Variants in GSN observed in about 807,000 individuals in gnomAD.
GSN encodes gelsolin.
A neutral mutation model predicts 85.7 loss-of-function variants in GSN; 56 were observed. The ratio of observed to expected loss-of-function variants is 0.65; its 90% CI spans 0.53 to 0.82. GSN has a LOEUF of 0.82. Ranked by LOEUF, GSN falls within the 40% of genes least tolerant of loss-of-function variation. GSN has a pLI of 0.00. For synonymous variants in GSN, 373 were observed against 399.1 expected (o/e 0.93, Z 0.78); for missense variants, 857 against 979.8 (o/e 0.87, Z 1.67).
Position 121,332,339 on chromosome 9 carries a change from C to T in GSN, c.2027-95C>T. The T allele has an allele frequency of 1.8e-6, 2 of 1,135,674 alleles. No homozygotes were observed. The highest frequency in any genetic ancestry group is 3.4e-5 in the Admixed American group (2 of 59,386). The allele number at this position is 1,135,674 out of a possible 1,614,324, so 70.3% of individuals were successfully genotyped here. The stretch of plus-strand genomic sequence containing the variant: ...TAGGGACAGTAGGACCATAGACCCT[C>T]TTCTTTGTCAACTCCTGTCCTGAGT... On this transcript the variant is annotated intron_variant, in intron 17 of 17. Transcript: ENST00000432226. This position sits in a 1 kb window ranked among gnomAD's most constrained non-coding sequence, Gnocchi z 4.8.
chr9:121,296,658 C>T (rs906029642), intron 2 of GSN, among the ~76,000 whole-genome samples: 3 of 152,188 alleles, frequency 2.0e-5, no homozygotes, highest in African/African-American at 7.2e-5. Flanking sequence ...CCCTAGCACT[C>T]GGGCCTCTTC....
At chr9:121,212,704 T>A (rs944122158) in intron 4 of GSN, among the ~76,000 whole-genome samples, 1 of 151,326 alleles carries the variant, frequency 6.6e-6, no homozygotes, top group Non-Finnish European at 1.5e-5. Flanking sequence ...AGTGCAGTGG[T>A]GTGATCTCTA....
chr9:121,220,909 A>G (rs1444904495), intron 4 of GSN, among the ~76,000 whole-genome samples: 1 of 152,244 alleles, frequency 6.6e-6, no homozygotes, highest in Non-Finnish European at 1.5e-5. Flanking sequence ...TAAAAATATC[A>G]ATTGTTAAAA....
chr9:121,301,890 G>T, intron 2 of GSN, 73 bp from the exon 3 acceptor site: 1 of 1,609,332 alleles, frequency 6.2e-7, no homozygotes, highest in Non-Finnish European at 8.5e-7. Flanking sequence ...GCTAGAAACC[G>T]CCCTCCCTCA....
At chr9:121,224,189 C>T (rs2054227855) in intron 4 of GSN, among the ~76,000 whole-genome samples, 1 of 151,118 alleles carries the variant, frequency 6.6e-6, no homozygotes, top group Admixed American at 6.6e-5. Flanking sequence ...CTCCGCCTCC[C>T]ATGTTCACGC....
At chr9:121,271,750 C>T (rs1044013354) in intron 1 of GSN, among the ~76,000 whole-genome samples, 4 of 152,222 alleles carry the variant, frequency 2.6e-5, no homozygotes, top group African/African-American at 9.7e-5. Flanking sequence ...TTTGTAAACT[C>T]ATGCTTTCCT....
chr9:121,248,808 T>TGGGTG (rs34921909), intron 6 of GSN, among the ~76,000 whole-genome samples: 1 of 151,800 alleles, frequency 6.6e-6, no homozygotes, highest in South Asian at 2.1e-4. Context: ...GGAGAAGCCC[T>TGGGTG]GGTGTCTGGG....
intron 2 of GSN, among the ~76,000 whole-genome samples, chr9:121,289,833 C>T (rs1417859646): frequency 6.6e-6 from 1 of 152,084 alleles, no homozygotes; most frequent in African/African-American, 2.4e-5. Flanking sequence ...GGCTTGTGGG[C>T]CCCATATCAC....
At chr9:121,260,832 G>T (rs1488877554) in intron 6 of GSN, among the ~76,000 whole-genome samples, 2 of 152,116 alleles carry the variant, frequency 1.3e-5, no homozygotes, top group African/African-American at 4.8e-5. Context: ...CCAGGAAAAA[G>T]AAACAGAAGT....
At chr9:121,254,598 C>G (rs1472645820) in intron 6 of GSN, among the ~76,000 whole-genome samples, 1 of 152,142 alleles carries the variant, frequency 6.6e-6, no homozygotes, top group Non-Finnish European at 1.5e-5. Flanking sequence ...TTTGCACAAC[C>G]AAAAGACCTT....
At position 121,284,462 on chromosome 9, in the gene GSN, C is replaced by T. The variant is rs2057809052; in HGVS notation, c.-10+2900C>T. ...ACACCACCGGGCCCTCTGAGATCCA[C>T]TCTAATCCAAGACGGAGACAGTGGA... is the stretch of plus-strand genomic sequence containing the variant. On this transcript the variant is annotated intron_variant, in intron 2 of 17. Transcript: ENST00000432226. The T allele has an allele frequency of 1.8e-5, 3 of 167,246 alleles. No individual in the cohort carries two copies. The South Asian group carries it at 6.2e-4, about 35-fold the overall frequency. 10.4% of individuals were successfully genotyped at this position (167,246 alleles called of 1,614,324 possible). A position where few individuals can be genotyped will look rare whatever the true frequency, so the allele number is the denominator to read the frequency against.
chr9:121,301,534 G>A (rs2059839253), intron 2 of GSN, among the ~76,000 whole-genome samples: 1 of 150,572 alleles, frequency 6.6e-6, no homozygotes, highest in African/African-American at 2.4e-5. Flanking sequence ...GCTGAGGCAG[G>A]AGAATCGCTT....
intron 4 of GSN, among the ~76,000 whole-genome samples, chr9:121,215,560 G>A (rs953720387): frequency 2.6e-5 from 4 of 151,914 alleles, no homozygotes; most frequent in South Asian, 2.1e-4. Flanking sequence ...CAGGTGTGGC[G>A]GCGAGTGCCT....
At chr9:121,259,070 A>G (rs1271087308) in intron 6 of GSN, among the ~76,000 whole-genome samples, 5 of 152,246 alleles carry the variant, frequency 3.3e-5, no homozygotes, top group Admixed American at 6.5e-5. Flanking sequence ...GATAAGTGTC[A>G]GTGCAATTCA....
intron 11 of GSN, among the ~76,000 whole-genome samples, chr9:121,321,950 C>T (rs1436791846): frequency 2.0e-5 from 3 of 152,074 alleles, no homozygotes; most frequent in African/African-American, 7.3e-5. Context: ...ACTATGTTGA[C>T]CAGGCTGGTC....
chr9:121,211,449 T>C (rs2053966436), intron 4 of GSN, among the ~76,000 whole-genome samples: 1 of 152,300 alleles, frequency 6.6e-6, no homozygotes, highest in Middle Eastern at 3.4e-3. Context: ...ACACAACAGA[T>C]CCTTTAGCCA....
At chr9:121,321,842 A>G (rs2133769381) in intron 11 of GSN, among the ~76,000 whole-genome samples, 1 of 152,176 alleles carries the variant, frequency 6.6e-6, no homozygotes, top group South Asian at 2.1e-4. Context: ...CCCAAGTTCA[A>G]GCAATTCTCC....
upstream of GSN, among the ~76,000 whole-genome samples, chr9:121,267,196 C>A (rs1056586767): frequency 3.3e-5 from 5 of 152,192 alleles, no homozygotes; most frequent in African/African-American, 1.2e-4. Flanking sequence ...CTCATGTGTG[C>A]ACCAGGACTG....
rs184735606 is a variant in GSN, at chr9:121,261,719, C to G, written c.-340-3435C>G. 6.6e-6 allele frequency among the ~76,000 whole-genome samples: 1 copy of G among 152,196 alleles called. No individual in the cohort carries two copies. The highest frequency in any genetic ancestry group is 2.4e-5 in the African/African-American group (1 of 41,444). The stretch of plus-strand genomic sequence containing the variant: ...ACCCTGTATCCCTGACACACTGGCT[C>G]AAGCTCATTCACCTTAAACACCTCC... On this transcript the variant is annotated intron_variant, in intron 6 of 24. Coordinates refer to the GSN transcript ENST00000373823. This position sits in a 1 kb window ranked among gnomAD's most constrained non-coding sequence, Gnocchi z 4.1.
Sources: allele counts gnomAD v4.1 joint callset (sites outside exome capture counted in the v4.1 genomes callset), GRCh38; gene constraint gnomAD v4.1.1; non-coding constraint Gnocchi (gnomAD v3.1); transcripts MANE v1.5; gene names NCBI Gene and HGNC (gene_info 2026-07-23, HGNC 2026-07-21).